Variants in CGNL1 observed in about 807,000 individuals in gnomAD.
CGNL1 encodes the protein cingulin-like protein 1.
Under a neutral mutation model 141.2 loss-of-function variants are expected in CGNL1, and 132 were observed. The observed-to-expected ratio is 0.93, with a 90% CI of 0.81 to 1.08. The LOEUF (loss-of-function observed/expected upper bound fraction) is 1.08. Ranked by LOEUF, CGNL1 falls within the 50% of genes least tolerant of loss-of-function variation. The pLI, the probability that CGNL1 is intolerant of heterozygous loss-of-function variation, is 0.00. For missense variants in CGNL1, 1,870 were observed against 1,588.6 expected, an observed-to-expected ratio of 1.18 and a Z score of -3.01; for synonymous variants, 690 against 622.1, an observed-to-expected ratio of 1.11 and a Z score of -1.63.
chr15:57,397,440 C>A (rs544622534), intron 1 of CGNL1, among the ~76,000 whole-genome samples: 103 of 152,282 alleles, frequency 6.8e-4, no homozygotes, highest in African/African-American at 2.4e-3. Flanking sequence ...TCCTAACTCT[C>A]TTAGTATCTC....
At chr15:57,464,760 T>C (rs1468694069) in intron 8 of CGNL1, among the ~76,000 whole-genome samples, 4 of 149,898 alleles carry the variant, frequency 2.7e-5, no homozygotes, top group East Asian at 3.9e-4. Context: ...TCCTTCTTTT[T>C]TTTTTTTGAG....
intron 1 of CGNL1, among the ~76,000 whole-genome samples, chr15:57,379,209 CA>C (rs2062399638): frequency 6.6e-6 from 1 of 152,062 alleles, no homozygotes; most frequent in Non-Finnish European, 1.5e-5. Flanking sequence ...CCCTGAACAG[CA>C]ATAGTTACAC....
chr15:57,466,959 G>A (rs2063518079), intron 8 of CGNL1, among the ~76,000 whole-genome samples: 1 of 152,116 alleles, frequency 6.6e-6, no homozygotes, highest in South Asian at 2.1e-4. Context: ...CCAACATACA[G>A]CAGTTATGCA....
At chr15:57,503,226 GC>G (rs2064051104) in intron 8 of CGNL1, among the ~76,000 whole-genome samples, 1 of 152,214 alleles carries the variant, frequency 6.6e-6, no homozygotes, top group Non-Finnish European at 1.5e-5. Flanking sequence ...CTTGGCAGGG[GC>G]CTTCCTCCTA....
chr15:57,518,256 G>T, intron 9 of CGNL1, 137 bp from the exon 10 acceptor site: 1 of 641,476 alleles, frequency 1.6e-6, no homozygotes. Flanking sequence ...GTGCCACCTT[G>T]GGTCTGTGAC....
intron 8 of CGNL1, among the ~76,000 whole-genome samples, chr15:57,481,066 T>A (rs1010797409): frequency 1.6e-5 from 2 of 123,924 alleles, no homozygotes; most frequent in Non-Finnish European, 3.1e-5. Context: ...GACCTGGGGT[T>A]TTTTTTTTTT....
In CGNL1 at chr15:57,452,291, T is replaced by A; in HGVS notation, c.2054+2T>A. ...GGAGCTCCGGAAGAATCTGGAGGAG[T>A]AAGTTCTGGGCTGAGAGCCTGTTGC... On this transcript the variant is annotated splice_donor_variant, in intron 6 of 18. Transcript: ENST00000281282. LOFTEE classifies it high-confidence loss of function. The A allele has an allele frequency of 6.2e-7, 1 of 1,612,326 alleles. No homozygotes were observed.
intron 4 of CGNL1, among the ~76,000 whole-genome samples, chr15:57,450,633 A>G (rs1356550204): frequency 1.3e-5 from 2 of 152,038 alleles, no homozygotes; most frequent in East Asian, 3.9e-4. Context: ...ATAAAATTTT[A>G]TTGTGCTGTG....
intron 1 of CGNL1, among the ~76,000 whole-genome samples, chr15:57,426,612 ATTT>A (rs35055374): frequency 9.7e-4 from 116 of 119,622 alleles, no homozygotes; most frequent in African/African-American, 1.1e-3. Flanking sequence ...ATGCTTGGCT[ATTT>A]TTTTTTTTTT....
intron 6 of CGNL1, 63 bp from the exon 7 acceptor site, chr15:57,453,620 C>G: frequency 6.3e-7 from 1 of 1,594,846 alleles, no homozygotes. Flanking sequence ...GATCAGAAAT[C>G]AGACTGGATG....
chr15:57,385,316 T>C (rs182247060), intron 1 of CGNL1, among the ~76,000 whole-genome samples: 14 of 152,250 alleles, frequency 9.2e-5, no homozygotes, highest in African/African-American at 3.1e-4. Context: ...GGCCGATCAG[T>C]TGGGATCAGG....
intron 8 of CGNL1, among the ~76,000 whole-genome samples, chr15:57,511,127 G>A (rs1275702845): frequency 6.6e-6 from 1 of 152,176 alleles, no homozygotes; most frequent in Non-Finnish European, 1.5e-5. Context: ...TTTAAAAATT[G>A]CCAGAGGGTT....
intron 1 of CGNL1, among the ~76,000 whole-genome samples, chr15:57,436,130 C>T (rs527980887): frequency 2.0e-5 from 3 of 152,282 alleles, no homozygotes; most frequent in African/African-American, 2.4e-5. Flanking sequence ...AGAAACATTA[C>T]TGTGGTGGAA....
chr15:57,541,704 G>C (rs546849804), intron 14 of CGNL1, among the ~76,000 whole-genome samples: 1 of 152,214 alleles, frequency 6.6e-6, no homozygotes, highest in Non-Finnish European at 1.5e-5. Flanking sequence ...TTTTCACTTA[G>C]ATGGTCCAGA....
At chr15:57,480,133 A>G (rs1286168538) in intron 8 of CGNL1, among the ~76,000 whole-genome samples, 1 of 151,774 alleles carries the variant, frequency 6.6e-6, no homozygotes, top group African/African-American at 2.4e-5. Flanking sequence ...GAGACTCTAG[A>G]AGAGGATAAA....
In CGNL1 at chr15:57,442,421, T is replaced by A. The variant is rs767689536; in HGVS notation, c.1746T>A (p.Phe582Leu). 1.9e-5 allele frequency: 30 copies of A among 1,613,720 alleles called. No individual in the cohort carries two copies. The South Asian group carries it at 1.9e-4, about 10-fold the overall frequency. Residue 582 changes from phenylalanine (F) to leucine (L), a missense_variant, in exon 4 of 19, where the codon TTT (phenylalanine) becomes TTA (leucine). Physicochemically the swap from Phe to Leu is conservative, Grantham distance 22. Transcript: ENST00000281282. ...DATKRKVNLV[F>L]EKIQTLKSRA... Reference sequence around the variant, plus strand: ...CTAAAAGGAAAGTCAACTTGGTCTTTGAGAAAATCCAGACCTTAAAGTCTC... The same window carrying A: ...CTAAAAGGAAAGTCAACTTGGTCTTAGAGAAAATCCAGACCTTAAAGTCTC...
chr15:57,417,268 G>A (rs987089499), intron 1 of CGNL1, among the ~76,000 whole-genome samples: 1 of 151,778 alleles, frequency 6.6e-6, no homozygotes, highest in Non-Finnish European at 1.5e-5. Context: ...TTCTTACAGA[G>A]TCTTACCCAG....
chr15:57,454,615 C>T (rs543575668), intron 7 of CGNL1, among the ~76,000 whole-genome samples: 162 of 152,296 alleles, frequency 1.1e-3, no homozygotes, highest in Non-Finnish European at 2.0e-3. Context: ...CAGGAGTTCT[C>T]ATGAATCCAT....
intron 14 of CGNL1, among the ~76,000 whole-genome samples, chr15:57,533,042 C>T (rs1332433224): frequency 6.6e-6 from 1 of 152,222 alleles, no homozygotes; most frequent in African/African-American, 2.4e-5. Context: ...GAGCAGGCAG[C>T]CCTGCTCAAA....
Sources: allele counts gnomAD v4.1 joint callset (sites outside exome capture counted in the v4.1 genomes callset), GRCh38; gene constraint gnomAD v4.1.1; transcripts MANE v1.5; gene names NCBI Gene and HGNC (gene_info 2026-07-23, HGNC 2026-07-21).